The following ZNF423 variants were observed in gnomAD, a reference collection of about 807,000 sequenced individuals.
ZNF423 encodes zinc finger protein 423.
A neutral mutation model predicts 95.8 loss-of-function variants in ZNF423; 12 were observed. The ratio of observed to expected loss-of-function variants is 0.13; its 90% confidence interval spans 0.08 to 0.20. The LOEUF is 0.20. ZNF423 is among the 10% of genes least tolerant of loss of function. The pLI is 1.00. For missense variants in ZNF423, 1,316 were observed against 1,737.1 expected (o/e 0.76, Z 4.31); for synonymous variants, 749 against 711.9 (o/e 1.05, Z -0.83).
chr16:49,644,676 A>C (rs764664465), intron 3 of ZNF423, among the ~76,000 whole-genome samples: 3,420 of 140,750 alleles, frequency 0.024, 131 homozygotes, highest in Middle Eastern at 0.071. Flanking sequence ...AAAAAAAAAA[A>C]AAAAAAAAAA....
intron 5 of ZNF423, among the ~76,000 whole-genome samples, chr16:49,607,069 A>T (rs76716517): frequency 2.1e-5 from 3 of 141,038 alleles, no homozygotes; most frequent in South Asian, 2.3e-4. Context: ...AATGTTTTGG[A>T]TTTTTTTTTT....
chr16:49,811,755 C>G (rs963618301), intron 1 of ZNF423, among the ~76,000 whole-genome samples: 2 of 151,152 alleles, frequency 1.3e-5, no homozygotes, highest in East Asian at 2.0e-4. Context: ...CTCCTACCCC[C>G]ACCCCCGCCC....
At chr16:49,595,159 T>C (rs1440433691) in intron 5 of ZNF423, among the ~76,000 whole-genome samples, 6 of 152,178 alleles carry the variant, frequency 3.9e-5, no homozygotes, top group Non-Finnish European at 7.4e-5. Context: ...GGGGTCTCTC[T>C]TGTGTCCCCT....
chr16:49,638,967 G>A lies in ZNF423; in HGVS notation c.302-93C>T. On this transcript the variant is annotated intron_variant, in intron 3 of 7. Coordinates refer to ENST00000563137, the MANE Select transcript of ZNF423 (RefSeq NM_001379286.1). The surrounding 1 kb of genome is among the most constrained non-coding windows in gnomAD (Gnocchi z 5.6). The stretch of plus-strand genomic sequence containing the variant: ...AGCTTCTCGACAGCACGCGGGCTGA[G>A]GCTGTGCAGCTGGCCAACGGCTGCA... 2.0e-6 allele frequency: 3 copies of A among 1,468,296 alleles called. No individual in the cohort carries two copies. The highest frequency in any genetic ancestry group is 2.7e-6 in the Non-Finnish European group (3 of 1,112,236). 91.0% of individuals were successfully genotyped at this position (1,468,296 alleles called of 1,614,324 possible). A position where few individuals can be genotyped will look rare whatever the true frequency, so the allele number is the denominator to read the frequency against.
At chr16:49,601,554 G>A (rs1372441662) in intron 5 of ZNF423, among the ~76,000 whole-genome samples, 4 of 152,028 alleles carry the variant, frequency 2.6e-5, no homozygotes, top group Admixed American at 2.6e-4. Flanking sequence ...ATCCCAGAAG[G>A]GGAGTGACTT....
rs560752399 is a variant in ZNF423, at chr16:49,781,934, C to T, written c.100+7553G>A. On this transcript the variant is annotated intron_variant, in intron 2 of 7. Transcript: ENST00000563137. ...CCCAGAGACTGCAGCCTTATCCCCACCTTCCCCTGCAAACTGGCCCCATGC... is the reference window on the plus strand; with the variant it reads ...CCCAGAGACTGCAGCCTTATCCCCATCTTCCCCTGCAAACTGGCCCCATGC... 3.9e-5 allele frequency among the ~76,000 whole-genome samples: 6 copies of T among 152,354 alleles called. No individual in the cohort carries two copies. In the South Asian group the frequency reaches 1.2e-3, roughly 32 times the overall value.
In ZNF423 at chr16:49,635,920, C is replaced by T. The variant is rs1972678823; in HGVS notation, c.3256G>A (p.Asp1086Asn). ...LCLKEFRSKQ[D>N]LVKLDVNGLP... ...CCATTGACGTCAAGCTTCACCAGGTCCTGCTTGCTGCGGAACTCCTTGAGG... is the reference window on the plus strand; with the variant it reads ...CCATTGACGTCAAGCTTCACCAGGTTCTGCTTGCTGCGGAACTCCTTGAGG... Residue 1086 changes from aspartate to asparagine, a missense_variant, in exon 4 of 8, where the codon GAC becomes AAC. Physicochemically the swap from Asp to Asn is conservative, Grantham distance 23. Coordinates refer to ENST00000563137, the MANE Select transcript of ZNF423 (RefSeq NM_001379286.1). This position sits in a 1 kb window ranked among gnomAD's most constrained non-coding sequence, Gnocchi z 4.8. 4 of 1,586,760 alleles carry T rather than the reference C, an allele frequency of 2.5e-6. No individual in the cohort carries two copies. The highest frequency in any genetic ancestry group is 3.4e-6 in the Non-Finnish European group (4 of 1,166,146).
intron 5 of ZNF423, among the ~76,000 whole-genome samples, chr16:49,535,432 C>T (rs1969027088): frequency 6.6e-6 from 1 of 152,160 alleles, no homozygotes; most frequent in Non-Finnish European, 1.5e-5. Flanking sequence ...GCTCTTTGAG[C>T]GATCAGCAAT....
intron 2 of ZNF423, among the ~76,000 whole-genome samples, chr16:49,772,333 C>T (rs1488923036): frequency 2.0e-5 from 3 of 152,228 alleles, no homozygotes; most frequent in Non-Finnish European, 4.4e-5. Flanking sequence ...CCGGTGAGAG[C>T]CGTCTGCTTT....
intron 1 of ZNF423, chr16:49,854,229 C>T (rs116080565): frequency 0.061 from 59,978 of 985,392 alleles, 1,910 homozygotes; most frequent in Non-Finnish European, 0.065. Context: ...ACAAGACCAA[C>T]TTCTCTCAGG....
chr16:49,540,809 A>C (rs1295232278), intron 5 of ZNF423, among the ~76,000 whole-genome samples: 2 of 151,992 alleles, frequency 1.3e-5, no homozygotes, highest in Non-Finnish European at 2.9e-5. Context: ...ACCCAGCCCT[A>C]TCCTGGCCTC....
At position 49,600,628 on chromosome 16, in the gene ZNF423, C is replaced by A. The variant is rs1486024098; in HGVS notation, c.3601+25542G>T. ...AGATGAGGCCCAGCAGGGAACCATG[C>A]GCCATGGCCTCCCCTCTCTCGTGGG... On this transcript the variant is annotated intron_variant, in intron 5 of 7. Transcript: ENST00000563137. Among the ~76,000 whole-genome samples, 3 of 152,084 alleles carry A rather than the reference C, an allele frequency of 2.0e-5. No homozygotes were observed. In the East Asian group the frequency reaches 5.8e-4, roughly 30 times the overall value.
chr16:49,789,888 G>A (rs1003044039), intron 1 of ZNF423, among the ~76,000 whole-genome samples: 2 of 152,132 alleles, frequency 1.3e-5, no homozygotes, highest in African/African-American at 4.8e-5. Flanking sequence ...TCATGACCCT[G>A]CTGAGACCTG....
intron 3 of ZNF423, among the ~76,000 whole-genome samples, chr16:49,693,057 G>A (rs941435032): frequency 2.0e-5 from 3 of 152,226 alleles, no homozygotes; most frequent in African/African-American, 4.8e-5. Flanking sequence ...TAGAGTTCAT[G>A]AATAAATGTG....
At chr16:49,512,807 A>T (rs2151684148) in intron 7 of ZNF423, among the ~76,000 whole-genome samples, 1 of 152,318 alleles carries the variant, frequency 6.6e-6, no homozygotes, top group South Asian at 2.1e-4. Context: ...AGTAGGAAAT[A>T]ATGGGCGGCT....
rs1353364576 is a variant in ZNF423 at position 49,568,127 on chromosome 16, AT to A, written c.3602-42634del. Among the ~76,000 whole-genome samples the A allele has an allele frequency of 2.6e-5, 4 of 152,282 alleles. No homozygotes were observed. In the East Asian group the frequency reaches 7.7e-4, roughly 29 times the overall value. On this transcript the variant is annotated intron_variant, in intron 5 of 7. Transcript: ENST00000563137. ...TGACTAAGGCCTGGCCAATGAGTGT[AT>A]GCCATGCCTCTGGATAAAGTGATTG...
intron 7 of ZNF423, among the ~76,000 whole-genome samples, chr16:49,509,936 C>G (rs1013434546): frequency 6.6e-6 from 1 of 152,222 alleles, no homozygotes; most frequent in South Asian, 2.1e-4. Context: ...GGAAAAAAAT[C>G]AAGGCAAAAG....
At chr16:49,720,112 C>A (rs775036669) in intron 3 of ZNF423, among the ~76,000 whole-genome samples, 13 of 152,160 alleles carry the variant, frequency 8.5e-5, no homozygotes, top group Admixed American at 2.0e-4. Context: ...CCCCAAAGGA[C>A]CAAGCAGCAG....
chr16:49,703,529 C>T (rs1459491550), intron 3 of ZNF423, among the ~76,000 whole-genome samples: 1 of 152,208 alleles, frequency 6.6e-6, no homozygotes, highest in Non-Finnish European at 1.5e-5. Flanking sequence ...TCTTTTTCCT[C>T]CTTTCAGGAG....
Sources: allele counts gnomAD v4.1 joint callset (sites outside exome capture counted in the v4.1 genomes callset), GRCh38; gene constraint gnomAD v4.1.1; non-coding constraint Gnocchi (gnomAD v3.1); transcripts MANE v1.5; gene names NCBI Gene and HGNC (gene_info 2026-07-23, HGNC 2026-07-21).